RABGAP1L: variants seen among roughly 807,000 people sequenced by gnomAD.
RABGAP1L encodes the protein rab GTPase-activating protein 1-like.
Under a neutral mutation model 137.7 loss-of-function variants are expected in RABGAP1L, and 63 were observed. That is an observed-to-expected ratio of 0.46 (90% CI 0.37 to 0.56). The LOEUF (loss-of-function observed/expected upper bound fraction) is 0.56, where lower values mean the gene tolerates loss of function less well. Among genes scored for constraint, RABGAP1L ranks in the 20% least tolerant of loss-of-function variants. The pLI, the probability that RABGAP1L is intolerant of heterozygous loss-of-function variation, is 0.00. For synonymous variants in RABGAP1L, 431 were observed against 433.7 expected (o/e 0.99, Z 0.08); for missense variants, 1,095 against 1,244.0 (o/e 0.88, Z 1.80).
intron 5 of RABGAP1L, chr1:174,246,194 A>G (rs910149947): frequency 2.6e-5 from 4 of 152,218 alleles, no homozygotes; most frequent in South Asian, 4.1e-4. Flanking sequence ...TCCATTCCAG[A>G]TATCTACATG....
At chr1:174,671,980 T>C (rs995046902) in intron 14 of RABGAP1L, among the ~76,000 whole-genome samples, 3 of 152,150 alleles carry the variant, frequency 2.0e-5, no homozygotes, top group Admixed American at 1.3e-4. Flanking sequence ...TTTTTATTAC[T>C]GATTCAGTCG....
chr1:174,185,933 C>G (rs145099571), intron 1 of RABGAP1L, among the ~76,000 whole-genome samples: 1 of 152,040 alleles, frequency 6.6e-6, no homozygotes, highest in African/African-American at 2.4e-5. Context: ...CACCTAAGGT[C>G]GGGAGTTCGC....
chr1:174,567,331 G>T (rs919052416), intron 13 of RABGAP1L, among the ~76,000 whole-genome samples: 1 of 152,034 alleles, frequency 6.6e-6, no homozygotes, highest in African/African-American at 2.4e-5. Context: ...GTCCATCCAT[G>T]TTGTGGCATA....
intron 22 of RABGAP1L, among the ~76,000 whole-genome samples, chr1:174,977,952 G>A (rs1382237406): frequency 6.6e-6 from 1 of 152,148 alleles, no homozygotes; most frequent in Non-Finnish European, 1.5e-5. Context: ...CAATTACAGA[G>A]TATACGCCAT....
chr1:174,171,338 G>A (rs1665364563), intron 1 of RABGAP1L, among the ~76,000 whole-genome samples: 1 of 152,048 alleles, frequency 6.6e-6, no homozygotes, highest in Non-Finnish European at 1.5e-5. Flanking sequence ...AAGGTATACA[G>A]CATGTTTTGC....
intron 1 of RABGAP1L, among the ~76,000 whole-genome samples, chr1:174,182,484 G>C (rs1173557079): frequency 1.3e-5 from 2 of 152,182 alleles, no homozygotes; most frequent in Admixed American, 1.3e-4. Flanking sequence ...TCTGACTGTA[G>C]AGGTTATTAA....
At chr1:174,387,933 G>A (rs1009420233) in intron 12 of RABGAP1L, among the ~76,000 whole-genome samples, 1 of 151,890 alleles carries the variant, frequency 6.6e-6, no homozygotes, top group African/African-American at 2.4e-5. Flanking sequence ...GATATGAAAA[G>A]GGTAACATTT....
At chr1:174,199,596 C>G (rs538565990) in intron 1 of RABGAP1L, among the ~76,000 whole-genome samples, 1 of 152,282 alleles carries the variant, frequency 6.6e-6, no homozygotes, top group Admixed American at 6.5e-5. Context: ...CCGGCCCATA[C>G]ATTGTTTTTC....
intron 10 of RABGAP1L, among the ~76,000 whole-genome samples, chr1:174,295,320 C>T (rs1436208048): frequency 6.6e-6 from 1 of 151,444 alleles, no homozygotes; most frequent in African/African-American, 2.4e-5. Context: ...CTCAAGCAGT[C>T]CTTCTGCCTA....
At chr1:174,410,160 C>T (rs1649754087) in intron 13 of RABGAP1L, among the ~76,000 whole-genome samples, 1 of 152,146 alleles carries the variant, frequency 6.6e-6, no homozygotes, top group African/African-American at 2.4e-5. Flanking sequence ...CTGTGTCACC[C>T]CTGGAGGCCC....
At chr1:174,214,560 G>A (rs7525325) in intron 1 of RABGAP1L, among the ~76,000 whole-genome samples, 19,207 of 152,184 alleles carry the variant, frequency 0.13, 1,310 homozygotes, top group East Asian at 0.22. Flanking sequence ...CAAAGCTGCA[G>A]CAATCACATT....
At chr1:174,605,860 T>G (rs1670753273) in intron 13 of RABGAP1L, among the ~76,000 whole-genome samples, 1 of 152,194 alleles carries the variant, frequency 6.6e-6, no homozygotes, top group Non-Finnish European at 1.5e-5. Context: ...AATTTTCTAT[T>G]TGTAAATTGA....
At chr1:174,413,494 T>TC (rs1455954213) in intron 13 of RABGAP1L, among the ~76,000 whole-genome samples, 1 of 152,184 alleles carries the variant, frequency 6.6e-6, no homozygotes, top group African/African-American at 2.4e-5. Context: ...TCTAAGGCCA[T>TC]CCCTTGGTAG....
At chr1:174,669,317 C>A (rs1290704518) in intron 14 of RABGAP1L, among the ~76,000 whole-genome samples, 1 of 152,176 alleles carries the variant, frequency 6.6e-6, no homozygotes, top group South Asian at 2.1e-4. Flanking sequence ...CACCTGGTCT[C>A]TCCCTTGGCA....
intron 13 of RABGAP1L, among the ~76,000 whole-genome samples, chr1:174,461,053 T>G (rs1405079783): frequency 1.3e-5 from 2 of 152,228 alleles, no homozygotes; most frequent in Non-Finnish European, 2.9e-5. Flanking sequence ...GTCAGTGCTG[T>G]TCTCCCATTA....
At chr1:174,219,009 G>C (rs566232570) in intron 1 of RABGAP1L, 116 bp from the exon 2 acceptor site, 1 of 778,160 alleles carries the variant, frequency 1.3e-6, no homozygotes, top group African/African-American at 1.8e-5. Context: ...TAATTATCTA[G>C]CCAGCAGGAT....
At chr1:174,431,034 A>G (rs2149196560) in intron 13 of RABGAP1L, among the ~76,000 whole-genome samples, 1 of 152,282 alleles carries the variant, frequency 6.6e-6, no homozygotes, top group East Asian at 1.9e-4. Context: ...AAGATATCCT[A>G]AAAAATAGCA....
intron 13 of RABGAP1L, among the ~76,000 whole-genome samples, chr1:174,445,936 G>A (rs1654709135): frequency 6.6e-6 from 1 of 152,106 alleles, no homozygotes; most frequent in Admixed American, 6.5e-5. Context: ...AGTCTTGATC[G>A]GAGCTTGCCG....
intron 18 of RABGAP1L, among the ~76,000 whole-genome samples, chr1:174,772,195 C>CA (rs557528947): frequency 0.033 from 4,866 of 145,478 alleles, 102 homozygotes; most frequent in Middle Eastern, 0.095. Flanking sequence ...CAGACTGTCT[C>CA]AAAAAAAAAC....
Sources: allele counts gnomAD v4.1 joint callset (sites outside exome capture counted in the v4.1 genomes callset), GRCh38; gene constraint gnomAD v4.1.1; transcripts MANE v1.5; gene names NCBI Gene and HGNC (gene_info 2026-07-23, HGNC 2026-07-21).